The following PWWP2A variants were observed in gnomAD, a reference collection of about 807,000 sequenced individuals.
PWWP2A encodes the protein PWWP domain-containing protein 2A.
Under a neutral mutation model 48.5 loss-of-function variants are expected in PWWP2A, and 18 were observed. That is an observed-to-expected ratio of 0.37 (90% CI 0.26 to 0.55). The LOEUF is 0.55. Among genes scored for constraint, PWWP2A ranks in the 20% least tolerant of loss-of-function variants. The pLI, the probability that PWWP2A is intolerant of heterozygous loss-of-function variation, is 0.81. For synonymous variants in PWWP2A, 396 were observed against 387.7 expected, an observed-to-expected ratio of 1.02 and a Z score of -0.25; for missense variants, 867 against 976.4, an observed-to-expected ratio of 0.89 and a Z score of 1.49.
Position 160,093,184 on chromosome 5 carries a change from G to A in PWWP2A, c.1466C>T (p.Ser489Phe). Residue 489 changes from serine (S) to phenylalanine (F), a missense_variant, in exon 2 of 2, where the codon TCT (serine) becomes TTT (phenylalanine). Ser to Phe is a radical substitution (Grantham distance 155). Transcript: ENST00000307063. The surrounding 1 kb of genome is among the most constrained non-coding windows in gnomAD (Gnocchi z 5.8). The stretch of plus-strand genomic sequence containing the variant: ...CATTTTCTCAAGTCCTGTCTTCAGA[G>A]AAGAGTCATTTTCTTCATTCCTGTA... ...QRYRNEENDS[S>F]LKTGLEKMRS... The A allele has an allele frequency of 6.2e-7, 1 of 1,613,990 alleles. No homozygotes were observed. Among genetic ancestry groups the A allele is most frequent in the Non-Finnish European group, 8.5e-7 (1 of 1,179,896 alleles).
downstream of PWWP2A, among the ~76,000 whole-genome samples, chr5:160,060,211 G>A (rs1265791453): frequency 2.6e-5 from 4 of 152,202 alleles, no homozygotes; most frequent in African/African-American, 7.2e-5. Context: ...ATCCATGCCC[G>A]AGTGATCTTA....
rs1427014280 is a variant in PWWP2A, at chr5:160,091,976, A to ATATATACATATATATGTGTG, written c.*386_*405dup. 1.3e-6 allele frequency: 1 copy of ATATATACATATATATGTGTG among 769,522 alleles called. No individual in the cohort carries two copies. The highest frequency in any genetic ancestry group is 1.9e-5 in the African/African-American group (1 of 51,630). 47.7% of individuals were successfully genotyped at this position (769,522 alleles called of 1,614,324 possible). A position where few individuals can be genotyped will look rare whatever the true frequency, so the allele number is the denominator to read the frequency against. The stretch of plus-strand genomic sequence containing the variant: ...CTGTATTTCATATATATATATGTGT[A>ATATATACATATATATGTGTG]TATATACATATATATGTGTGTATAT... On this transcript the variant is annotated 3_prime_UTR_variant, in exon 2 of 2. Transcript: ENST00000307063.
exon 3 of PWWP2A, chr5:160,080,681 C>T: frequency 6.4e-7 from 1 of 1,565,992 alleles, no homozygotes; most frequent in Non-Finnish European, 8.7e-7. Context: ...TTCAATGCTC[C>T]CAGTCTGAAT....
At chr5:160,089,849 C>T, downstream of PWWP2A, 1 of 985,310 alleles carries the variant, frequency 1.0e-6, no homozygotes, top group East Asian at 1.1e-4. Context: ...TGCCTTTTAT[C>T]ATTTCAAAGA....
chr5:160,090,500 T>G, downstream of PWWP2A: 1 of 983,984 alleles, frequency 1.0e-6, no homozygotes, highest in South Asian at 4.7e-5. Flanking sequence ...TAAGTATAGT[T>G]GTTTCTGTTT....
In PWWP2A at chr5:160,093,667, CTG is replaced by C. The variant is rs1275563010; in HGVS notation, c.981_982del (p.Asn327LysfsTer5). On this transcript the variant is annotated frameshift_variant, in exon 2 of 2. Transcript: ENST00000307063. LOFTEE classifies it high-confidence loss of function. This position sits in a 1 kb window ranked among gnomAD's most constrained non-coding sequence, Gnocchi z 5.8. ...AATTTCCTTTTTTTCAGCAACAACA[CTG>C]TTTTTACATTTATCACACAGAACTT... 6.2e-7 allele frequency: 1 copy of C among 1,613,988 alleles called. No individual in the cohort carries two copies. The highest frequency in any genetic ancestry group is 1.3e-5 in the African/African-American group (1 of 75,032).
At chr5:160,065,169 T>A in intron 4 of PWWP2A, 1 of 1,486,290 alleles carries the variant, frequency 6.7e-7, no homozygotes, top group Non-Finnish European at 9.1e-7. Context: ...GCATCTTATC[T>A]AAAAGAAAGG....
At chr5:160,049,591 G>A in the PWWP2A span, 4 of 1,612,340 alleles carry the variant, frequency 2.5e-6, no homozygotes, top group South Asian at 3.3e-5. Flanking sequence ...CAAGCTAGAT[G>A]AAGCCCTGGA....
downstream of PWWP2A, among the ~76,000 whole-genome samples, chr5:160,058,526 T>C (rs925793567): frequency 6.6e-6 from 1 of 151,182 alleles, no homozygotes; most frequent in East Asian, 2.0e-4. Context: ...TTCTCCTGCC[T>C]CAGCCTCCTG....
At chr5:160,117,514 C>G (rs889971504) in intron 1 of PWWP2A, among the ~76,000 whole-genome samples, 4 of 151,772 alleles carry the variant, frequency 2.6e-5, no homozygotes, top group Non-Finnish European at 5.9e-5. Context: ...AAAATTAGAC[C>G]AGCATGGTGG....
intron 1 of PWWP2A, among the ~76,000 whole-genome samples, chr5:160,111,022 CTATAA>C (rs1158362760): frequency 6.7e-6 from 1 of 149,002 alleles, no homozygotes; most frequent in African/African-American, 2.5e-5. Context: ...ATTATTTTGC[CTATAA>C]TAATCACTTA....
At chr5:160,111,170 T>A (rs1002410113) in intron 1 of PWWP2A, among the ~76,000 whole-genome samples, 2 of 151,678 alleles carry the variant, frequency 1.3e-5, no homozygotes, top group African/African-American at 4.8e-5. Flanking sequence ...CTACAAAAAA[T>A]ATATATATTT....
intron 1 of PWWP2A, among the ~76,000 whole-genome samples, chr5:160,098,666 A>T (rs1254353894): frequency 3.3e-5 from 5 of 152,230 alleles, no homozygotes; most frequent in Non-Finnish European, 7.3e-5. Context: ...CAGATTTTCT[A>T]AGTAGGCTAA....
At chr5:160,105,456 T>C (rs907999122) in intron 1 of PWWP2A, among the ~76,000 whole-genome samples, 1 of 149,908 alleles carries the variant, frequency 6.7e-6, no homozygotes, top group African/African-American at 2.5e-5. Flanking sequence ...GAGAATCGCC[T>C]GAACCTGGGA....
the PWWP2A span, chr5:160,051,287 C>G: frequency 3.4e-6 from 3 of 885,898 alleles, no homozygotes; most frequent in Non-Finnish European, 3.4e-6. Flanking sequence ...GTTTCGGACT[C>G]TACCACAAGG....
At chr5:160,086,796 T>C (rs542778806), downstream of PWWP2A, among the ~76,000 whole-genome samples, 6 of 152,198 alleles carry the variant, frequency 3.9e-5, no homozygotes, top group Non-Finnish European at 8.8e-5. Context: ...AAATAATTTG[T>C]CAATTGTGAA....
chr5:160,087,900 C>T (rs528059677), downstream of PWWP2A, among the ~76,000 whole-genome samples: 3 of 152,260 alleles, frequency 2.0e-5, no homozygotes, highest in Admixed American at 1.3e-4. Context: ...TGTCAATTAT[C>T]CATGGTAAAG....
downstream of PWWP2A, chr5:160,090,751 T>TA: frequency 4.2e-6 from 4 of 961,442 alleles, no homozygotes; most frequent in Non-Finnish European, 4.9e-6. Flanking sequence ...AAAAAACTGC[T>TA]AAATTTTAAA....
chr5:160,105,553 C>G (rs1302518058), intron 1 of PWWP2A: 2 of 215,016 alleles, frequency 9.3e-6, no homozygotes. Context: ...GACTCCATCT[C>G]AAAAAAAAAA....
Sources: allele counts gnomAD v4.1 joint callset (sites outside exome capture counted in the v4.1 genomes callset), GRCh38; gene constraint gnomAD v4.1.1; non-coding constraint Gnocchi (gnomAD v3.1); transcripts MANE v1.5; gene names NCBI Gene and HGNC (gene_info 2026-07-23, HGNC 2026-07-21).